The following PREX1 variants were observed in gnomAD, a reference collection of about 807,000 sequenced individuals.
PREX1 encodes the protein phosphatidylinositol-3,4,5-trisphosphate dependent Rac exchange factor 1, also known as phosphatidylinositol 3,4,5-trisphosphate-dependent Rac exchanger 1 protein.
In PREX1, 41 loss-of-function variants were observed where a neutral mutation model predicts 198.3. The observed-to-expected ratio is 0.21, with a 90% CI of 0.16 to 0.27. The LOEUF is 0.27. Ranked by LOEUF, PREX1 falls within the 10% of genes least tolerant of loss-of-function variation. The probability of loss-of-function intolerance (pLI) is 1.00; values close to 1 mark genes in which losing one functional copy is unlikely to be tolerated. For synonymous variants in PREX1, 843 were observed against 887.2 expected, an observed-to-expected ratio of 0.95 and a Z score of 0.89; for missense variants, 1,620 against 2,200.7, an observed-to-expected ratio of 0.74 and a Z score of 5.28.
rs866892357 is a variant in PREX1, at chr20:48,827,695, C to A, written c.166G>T (p.Glu56Ter). 1 of 1,383,774 alleles carries A rather than the reference C, an allele frequency of 7.2e-7. No homozygotes were observed. Among genetic ancestry groups the A allele is most frequent in the Non-Finnish European group, 9.5e-7 (1 of 1,054,926 alleles). 85.7% of individuals were successfully genotyped at this position (1,383,774 alleles called of 1,614,324 possible). Residue 56 changes from glutamate to a stop codon, truncating the protein, a stop_gained, in exon 1 of 40, where the codon GAG becomes TAG. Coordinates refer to ENST00000371941, the MANE Select transcript of PREX1 (RefSeq NM_020820.4). LOFTEE classifies it high-confidence loss of function. The surrounding 1 kb of genome is among the most constrained non-coding windows in gnomAD (Gnocchi z 4.1). Reference protein sequence around the residue: ...QLRLRLCVLNEILGTERDYVG... With the variant: ...QLRLRLCVLN ...TAGTCCCTCTCGGTGCCCAAGATCT[C>A]GTTGAGGACGCAGAGGCGGAGGCGC...
Position 48,747,886 on chromosome 20 carries a change from G to A in PREX1, c.220-6C>T, listed in dbSNP as rs1161456349. The A allele has an allele frequency of 1.2e-6, 2 of 1,611,422 alleles. No homozygotes were observed. Among genetic ancestry groups the A allele is most frequent in the Non-Finnish European group, 1.7e-6 (2 of 1,178,664 alleles). ...CGGATGCGATGCAGGAATGCCTGGAGGAGAGAAGCAGAGAGAGGTGAGTGT... is the reference window on the plus strand; with the variant it reads ...CGGATGCGATGCAGGAATGCCTGGAAGAGAGAAGCAGAGAGAGGTGAGTGT... On this transcript the variant is annotated splice_region_variant and splice_polypyrimidine_tract_variant and intron_variant, in intron 1 of 39. Coordinates refer to ENST00000371941, the MANE Select transcript of PREX1 (RefSeq NM_020820.4).
At chr20:48,768,846 G>A (rs576696019) in intron 1 of PREX1, among the ~76,000 whole-genome samples, 2 of 152,152 alleles carry the variant, frequency 1.3e-5, no homozygotes, top group East Asian at 3.9e-4. Context: ...GACTCTGGAG[G>A]CAAAGAATGT....
intron 3 of PREX1, 147 bp downstream of exon 3, chr20:48,744,877 GC>G: frequency 2.0e-6 from 2 of 997,836 alleles, no homozygotes; most frequent in Non-Finnish European, 2.9e-6. Flanking sequence ...TTCCAGGGAT[GC>G]AGACTGGGCC....
At chr20:48,647,805 A>G (rs2122884599) in intron 25 of PREX1, among the ~76,000 whole-genome samples, 1 of 152,236 alleles carries the variant, frequency 6.6e-6, no homozygotes, top group African/African-American at 2.4e-5. Flanking sequence ...AAAAGTAGAG[A>G]GAATATCATG....
At chr20:48,870,531 G>A in the PREX1 span, among the ~76,000 whole-genome samples, 21 of 152,200 alleles carry the variant, frequency 1.4e-4, no homozygotes, top group Admixed American at 4.6e-4. Context: ...GCCTTTGTCC[G>A]TTCAAAAAGT....
intron 19 of PREX1, among the ~76,000 whole-genome samples, chr20:48,654,585 G>C (rs1014550238): frequency 1.3e-5 from 2 of 152,204 alleles, no homozygotes; most frequent in African/African-American, 4.8e-5. Context: ...GTTGTCCCAA[G>C]GTGAGAATCA....
At chr20:48,832,691 G>A (rs941534681), upstream of PREX1, among the ~76,000 whole-genome samples, 1 of 152,134 alleles carries the variant, frequency 6.6e-6, no homozygotes, top group African/African-American at 2.4e-5. Flanking sequence ...AAATATAATC[G>A]TCTTCCTAGT....
rs760573159 is a variant in PREX1, at chr20:48,652,675, T to C, written c.2378A>G (p.Glu793Gly). 4 of 1,613,130 alleles carry C rather than the reference T, an allele frequency of 2.5e-6. No individual in the cohort carries two copies. The highest frequency in any genetic ancestry group is 2.2e-5 in the East Asian group (1 of 44,854). The change falls in exon 21 of 40, where the codon GAG (glutamate) becomes GGG (glycine). Residue 793 changes from glutamate (E) to glycine (G), a missense_variant. By Grantham distance (98) the Glu-to-Gly change is moderately conservative. Coordinates refer to ENST00000371941, the MANE Select transcript of PREX1 (RefSeq NM_020820.4). ...GLYQWIYHTHEDAQEARASQE... is the reference protein window; with the variant it reads ...GLYQWIYHTHGDAQEARASQE... ...ACTGGCTCGTGCTTCCTGGGCATCC[T>C]CATGGGTGTGGTAGATCCACTGGTA... is the stretch of plus-strand genomic sequence containing the variant.
intron 25 of PREX1, 97 bp from the exon 26 acceptor site, chr20:48,646,154 C>T (rs2089449572): frequency 2.4e-6 from 3 of 1,240,700 alleles, no homozygotes; most frequent in Non-Finnish European, 3.5e-6. Flanking sequence ...TGAGCACTGG[C>T]CCTCCTGTTG....
intron 14 of PREX1, among the ~76,000 whole-genome samples, chr20:48,670,013 T>A (rs1423703808): frequency 6.6e-6 from 1 of 152,160 alleles, no homozygotes; most frequent in Non-Finnish European, 1.5e-5. Flanking sequence ...TCAGACTGTA[T>A]GGTTGACCTG....
chr20:48,886,171 G>T, the PREX1 span, among the ~76,000 whole-genome samples: 3 of 152,118 alleles, frequency 2.0e-5, no homozygotes, highest in Non-Finnish European at 4.4e-5. Flanking sequence ...TGTAGGGATG[G>T]GGGTATGTTG....
chr20:48,625,960 C>A, intron 39 of PREX1, 33 bp from the exon 40 acceptor site: 4 of 1,519,494 alleles, frequency 2.6e-6, no homozygotes, highest in Non-Finnish European at 2.6e-6. Context: ...TGAGGAGAGG[C>A]CGGGGCGGGC....
chr20:48,660,462 A>G (rs770787457), intron 15 of PREX1, among the ~76,000 whole-genome samples: 2 of 151,068 alleles, frequency 1.3e-5, no homozygotes, highest in Non-Finnish European at 3.0e-5. Context: ...CAGATGGTGC[A>G]TGGAAAACTG....
intron 15 of PREX1, among the ~76,000 whole-genome samples, chr20:48,665,535 T>A (rs1407214973): frequency 1.3e-5 from 2 of 152,228 alleles, no homozygotes; most frequent in African/African-American, 4.8e-5. Context: ...TGCGTTCTAA[T>A]CCCGATTTCT....
At chr20:48,818,351 T>A (rs2090467581) in intron 1 of PREX1, among the ~76,000 whole-genome samples, 1 of 152,186 alleles carries the variant, frequency 6.6e-6, no homozygotes, top group Non-Finnish European at 1.5e-5. Flanking sequence ...TTTTTAAAAC[T>A]TTATGGGGAA....
At chr20:48,764,433 G>A (rs796525573) in intron 1 of PREX1, among the ~76,000 whole-genome samples, 44 of 152,222 alleles carry the variant, frequency 2.9e-4, no homozygotes, top group African/African-American at 1.1e-3. Flanking sequence ...ATCTTGGAAA[G>A]GGGGGGATTA....
In PREX1 at chr20:48,796,657, A is replaced by AT. The variant is rs1417175756; in HGVS notation, c.219+30984dup. Among the ~76,000 whole-genome samples, 7 of 151,104 alleles carry AT rather than the reference A, an allele frequency of 4.6e-5. 1 individual carries two copies. The highest frequency in any genetic ancestry group is 1.3e-4 in the Admixed American group (2 of 15,124). On this transcript the variant is annotated intron_variant, in intron 1 of 39. Transcript: ENST00000371941. ...ATACATATATACTGTATATATAAAT[A>AT]TCCAGTTATATGTGTCGTACATCAT...
intron 3 of PREX1, among the ~76,000 whole-genome samples, chr20:48,741,949 G>A (rs2090084194): frequency 6.6e-6 from 1 of 152,210 alleles, no homozygotes; most frequent in South Asian, 2.1e-4. Context: ...GCGGGCTGTG[G>A]GGATTTTATT....
chr20:48,782,053 C>G (rs750180439), intron 1 of PREX1, among the ~76,000 whole-genome samples: 5 of 152,208 alleles, frequency 3.3e-5, no homozygotes, highest in Non-Finnish European at 7.3e-5. Context: ...CTGGGACCAC[C>G]TGTGCCTTGA....
Sources: allele counts gnomAD v4.1 joint callset (sites outside exome capture counted in the v4.1 genomes callset), GRCh38; gene constraint gnomAD v4.1.1; non-coding constraint Gnocchi (gnomAD v3.1); transcripts MANE v1.5; gene names NCBI Gene and HGNC (gene_info 2026-07-23, HGNC 2026-07-21).